Variants in CFAP54 observed in about 807,000 individuals in gnomAD.
CFAP54 encodes the protein cilia and flagella associated protein 54, also known as cilia- and flagella-associated protein 54.
Under a neutral mutation model 370.4 loss-of-function variants are expected in CFAP54, and 290 were observed. The observed-to-expected ratio is 0.78, with a 90% CI of 0.71 to 0.86. The LOEUF (loss-of-function observed/expected upper bound fraction) is 0.86. Among genes scored for constraint, CFAP54 ranks in the 40% least tolerant of loss-of-function variants. CFAP54 has a pLI of 0.00. For synonymous variants in CFAP54, 1,206 were observed against 1,236.5 expected, an observed-to-expected ratio of 0.98 and a Z score of 0.52; for missense variants, 3,399 against 3,528.7, an observed-to-expected ratio of 0.96 and a Z score of 0.93.
chr12:96,648,077 C>G, intron 34 of CFAP54, 60 bp downstream of exon 34: 1 of 1,284,854 alleles, frequency 7.8e-7, no homozygotes, highest in Non-Finnish European at 1.0e-6. Context: ...CACTAAACAA[C>G]ACAGCACACA....
intron 26 of CFAP54, among the ~76,000 whole-genome samples, chr12:96,620,683 G>T (rs1257155247): frequency 6.6e-6 from 1 of 152,204 alleles, no homozygotes; most frequent in Non-Finnish European, 1.5e-5. Context: ...GCCCTAAGGG[G>T]CCCACAATGA....
At chr12:96,825,789 T>C (rs1302462349) in intron 65 of CFAP54, among the ~76,000 whole-genome samples, 1 of 129,244 alleles carries the variant, frequency 7.7e-6, no homozygotes, top group East Asian at 2.2e-4. Context: ...TTATGTAACA[T>C]AGTATATATT....
intron 67 of CFAP54, among the ~76,000 whole-genome samples, chr12:96,870,239 G>A (rs560819472): frequency 5.3e-5 from 8 of 151,318 alleles, no homozygotes; most frequent in Admixed American, 2.0e-4. Flanking sequence ...CCAGCCTGGC[G>A]ACAGAGTGAG....
intron 26 of CFAP54, among the ~76,000 whole-genome samples, chr12:96,599,629 T>G (rs1433555895): frequency 6.6e-6 from 1 of 152,194 alleles, no homozygotes; most frequent in Non-Finnish European, 1.5e-5. Flanking sequence ...CCATCAACAG[T>G]GTAAAAACGT....
At chr12:96,576,266 G>A (rs1369627553) in intron 19 of CFAP54, among the ~76,000 whole-genome samples, 2 of 151,800 alleles carry the variant, frequency 1.3e-5, no homozygotes, top group African/African-American at 4.8e-5. Context: ...ACCTTTTAGG[G>A]AAAATGAAAT....
At chr12:96,689,307 C>T (rs572117855) in intron 43 of CFAP54, among the ~76,000 whole-genome samples, 8 of 152,142 alleles carry the variant, frequency 5.3e-5, no homozygotes, top group African/African-American at 9.6e-5. Flanking sequence ...ACTACAGGCG[C>T]GCACCACCAC....
chr12:96,717,927 T>C (rs1168837749), intron 48 of CFAP54, among the ~76,000 whole-genome samples: 4 of 152,248 alleles, frequency 2.6e-5, no homozygotes, highest in African/African-American at 9.6e-5. Context: ...GCTTCAGCCT[T>C]CTAATATATG....
intron 22 of CFAP54, among the ~76,000 whole-genome samples, chr12:96,588,680 C>A (rs906742997): frequency 6.6e-6 from 1 of 151,864 alleles, no homozygotes. Context: ...CATACCTTAG[C>A]TGTTTCCATA....
intron 39 of CFAP54, among the ~76,000 whole-genome samples, chr12:96,678,273 T>G (rs1009023678): frequency 4.6e-5 from 7 of 152,222 alleles, no homozygotes; most frequent in African/African-American, 1.7e-4. Context: ...TAATTAATTT[T>G]TTTCTGAGAC....
At chr12:96,509,314 A>G (rs1565879097) in intron 4 of CFAP54, among the ~76,000 whole-genome samples, 1 of 152,160 alleles carries the variant, frequency 6.6e-6, no homozygotes, top group Non-Finnish European at 1.5e-5. Flanking sequence ...CACCTGGGGG[A>G]TCAGCAAGTG....
At position 96,502,379 on chromosome 12, in the gene CFAP54, T is replaced by G. The variant is rs561506892; in HGVS notation, c.423+1440T>G. ...GAGTTTGAGACAAGCCTGGGTAACATGGCGAAACACTGTCCCTAAAAAAAA... is the reference window on the plus strand; with the variant it reads ...GAGTTTGAGACAAGCCTGGGTAACAGGGCGAAACACTGTCCCTAAAAAAAA... On this transcript the variant is annotated intron_variant, in intron 2 of 67. Transcript: ENST00000524981. Among the ~76,000 whole-genome samples the G allele has an allele frequency of 4.6e-5, 5 of 109,364 alleles. No individual in the cohort carries two copies. The East Asian group carries it at 7.9e-4, about 17-fold the overall frequency. 71.7% of individuals were successfully genotyped at this position (109,364 alleles called of 152,430 possible). A position where few individuals can be genotyped will look rare whatever the true frequency, so the allele number is the denominator to read the frequency against.
intron 17 of CFAP54, among the ~76,000 whole-genome samples, chr12:96,557,444 C>T (rs112570068): frequency 6.6e-6 from 1 of 151,902 alleles, no homozygotes; most frequent in African/African-American, 2.4e-5. Flanking sequence ...AGGTACATAC[C>T]CTGTAAAATT....
chr12:96,504,363 C>T (rs1218954646), intron 3 of CFAP54, among the ~76,000 whole-genome samples: 2 of 151,846 alleles, frequency 1.3e-5, no homozygotes, highest in Non-Finnish European at 2.9e-5. Flanking sequence ...CCCTATTTTA[C>T]AGAAGAGAAA....
At chr12:96,686,491 A>G (rs1042603586) in intron 42 of CFAP54, among the ~76,000 whole-genome samples, 4 of 152,220 alleles carry the variant, frequency 2.6e-5, no homozygotes, top group African/African-American at 9.6e-5. Flanking sequence ...TGGTACCAGC[A>G]TCTGCTGGGT....
Position 96,534,126 on chromosome 12 carries a change from C to T in CFAP54, c.1604C>T (p.Pro535Leu). Residue 535 changes from proline (P) to leucine (L), a missense_variant, in exon 11 of 68, where the codon CCA (proline) becomes CTA (leucine). Transcript: ENST00000524981. ...KDLTLLIAME[P>L]LINVKRNKGL... ...TTAACTCTTCTGATTGCAATGGAAC[C>T]ACTAATCAACGTGAAGAGAAACAAA... The T allele has an allele frequency of 2.6e-6, 4 of 1,533,338 alleles. No individual in the cohort carries two copies. The highest frequency in any genetic ancestry group is 3.5e-6 in the Non-Finnish European group (4 of 1,144,960). The allele number at this position is 1,533,338 out of a possible 1,614,324, so 95.0% of individuals were successfully genotyped here. A position where few individuals can be genotyped will look rare whatever the true frequency, so the allele number is the denominator to read the frequency against.
chr12:96,581,586 A>C (rs1956032971), intron 22 of CFAP54, among the ~76,000 whole-genome samples: 1 of 152,066 alleles, frequency 6.6e-6, no homozygotes, highest in African/African-American at 2.4e-5. Flanking sequence ...CCAGCATAAA[A>C]TGTCAGTGGT....
chr12:96,611,598 G>C (rs1956359106), intron 26 of CFAP54, among the ~76,000 whole-genome samples: 1 of 152,170 alleles, frequency 6.6e-6, no homozygotes, highest in African/African-American at 2.4e-5. Flanking sequence ...CAAGCTAAGG[G>C]AGGAAGTTAA....
intron 63 of CFAP54, among the ~76,000 whole-genome samples, chr12:96,802,800 G>A (rs190487896): frequency 1.3e-5 from 2 of 151,994 alleles, no homozygotes; most frequent in African/African-American, 4.8e-5. Context: ...CATGCATTAG[G>A]TATTTGTCCT....
intron 67 of CFAP54, among the ~76,000 whole-genome samples, chr12:96,872,272 G>A (rs1364917473): frequency 2.0e-5 from 3 of 152,010 alleles, no homozygotes; most frequent in African/African-American, 4.8e-5. Flanking sequence ...GTGATAATGG[G>A]TTGCCTTCTT....
Sources: gnomAD v4.1 joint callset for allele counts (sites outside exome capture counted in the v4.1 genomes callset) on GRCh38, gnomAD v4.1.1 for gene constraint, MANE v1.5 for transcripts, NCBI Gene and HGNC (gene_info 2026-07-23, HGNC 2026-07-21) for gene names.